The following MAPKAPK3 variants were observed in gnomAD, a reference collection of about 807,000 sequenced individuals.
MAPKAPK3 encodes MAP kinase-activated protein kinase 3.
MAPKAPK3 carries 35 observed loss-of-function variants against 49.2 expected under a neutral mutation model. The observed-to-expected ratio is 0.71, with a 90% confidence interval of 0.54 to 0.94. The LOEUF (loss-of-function observed/expected upper bound fraction) is 0.94, where lower values mean the gene tolerates loss of function less well. MAPKAPK3 is among the 40% of genes least tolerant of loss of function. The pLI is 0.00. For synonymous variants in MAPKAPK3, 178 were observed against 188.7 expected (o/e 0.94, Z 0.46); for missense variants, 398 against 493.1 (o/e 0.81, Z 1.83).
chr3:50,629,712 C>A (rs2032854820), intron 2 of MAPKAPK3, among the ~76,000 whole-genome samples: 1 of 152,188 alleles, frequency 6.6e-6, no homozygotes, highest in South Asian at 2.1e-4. Context: ...CTTCCCTCTT[C>A]CTTCCTGGGA....
chr3:50,635,975 G>C (rs545725835), intron 2 of MAPKAPK3, among the ~76,000 whole-genome samples: 5 of 150,532 alleles, frequency 3.3e-5, no homozygotes, highest in African/African-American at 1.2e-4. Context: ...AGCCAGGTGT[G>C]GTGGCATGCA....
At chr3:50,646,576 T>C (rs901525458) in intron 8 of MAPKAPK3, among the ~76,000 whole-genome samples, 164 bp from the exon 9 acceptor site, 1 of 152,222 alleles carries the variant, frequency 6.6e-6, no homozygotes, top group African/African-American at 2.4e-5. Flanking sequence ...CCTGAACACT[T>C]AGTGTTTCAA....
rs778722098 is a variant in MAPKAPK3, at chr3:50,617,612, C to T, written c.47C>T (p.Pro16Leu). 2 of 1,603,902 alleles carry T rather than the reference C, an allele frequency of 1.2e-6. No homozygotes were observed. Among genetic ancestry groups the T allele is most frequent in the Non-Finnish European group, 1.7e-6 (2 of 1,172,660 alleles). Residue 16 changes from proline to leucine, a missense_variant, in exon 2 of 11, where the codon CCA becomes CTA. By Grantham distance (98) the Pro-to-Leu change is moderately conservative. Around this residue, in one of 5 missense-constraint regions of MAPKAPK3, gnomAD observed 123 missense variants for 117.7 expected, o/e 1.04. Coordinates refer to ENST00000621469, the MANE Select transcript of MAPKAPK3 (RefSeq NM_001243925.2). ...GAGCAGGGGGGCCCTGTGCCCCCGC[C>T]AGTTGCACCCGGCGGACCCGGCTTG... ...AEEQGGPVPP[P>L]VAPGGPGLGG...
chr3:50,614,500 A>AGTGTGTGTGTGTGTGTGTGTGTGTGT (rs3066739), upstream of MAPKAPK3, among the ~76,000 whole-genome samples: 2 of 138,946 alleles, frequency 1.4e-5, no homozygotes, highest in African/African-American at 2.8e-5. Context: ...GTAAGGACAG[A>AGTGTGTGTGTGTGTGTGTGTGTGTGT]GTGTGTGTGT....
intron 2 of MAPKAPK3, among the ~76,000 whole-genome samples, chr3:50,618,369 G>T (rs2032523989): frequency 6.6e-6 from 1 of 152,174 alleles, no homozygotes; most frequent in Non-Finnish European, 1.5e-5. Context: ...AAAGGGACAG[G>T]CCCTGGGCCA....
At chr3:50,627,530 C>T (rs1559484820) in intron 2 of MAPKAPK3, among the ~76,000 whole-genome samples, 1 of 152,198 alleles carries the variant, frequency 6.6e-6, no homozygotes, top group Non-Finnish European at 1.5e-5. Flanking sequence ...TTCCGCTGTA[C>T]TTCATGGACT....
In MAPKAPK3 at chr3:50,645,722, T is replaced by G; in HGVS notation, c.641T>G (p.Leu214Arg). ...YTPYYVAPEV[L>R]GPEKYDKSCD... ...TCTGCCCTGGCAGCCCCTGAGGTCC[T>G]GGGTCCAGAGAAGTATGACAAGTCA... Residue 214 changes from leucine (L) to arginine (R), a missense_variant, in exon 7 of 11, where the codon CTG becomes CGG. Leu to Arg is a moderately radical substitution (Grantham distance 102). Around this residue, in one of 5 missense-constraint regions of MAPKAPK3, gnomAD observed 30 missense variants for 70.5 expected, o/e 0.43. Coordinates refer to ENST00000621469, the MANE Select transcript of MAPKAPK3 (RefSeq NM_001243925.2). 1 of 1,614,110 alleles carries G rather than the reference T, an allele frequency of 6.2e-7. No homozygotes were observed. Among genetic ancestry groups the G allele is most frequent in the Admixed American group, 1.7e-5 (1 of 60,010 alleles).
intron 2 of MAPKAPK3, among the ~76,000 whole-genome samples, chr3:50,634,743 G>A (rs1055634051): frequency 1.3e-5 from 2 of 152,050 alleles, no homozygotes; most frequent in African/African-American, 2.4e-5. Context: ...CTCCCGCCTC[G>A]GTCTCCCAAA....
At chr3:50,612,949 G>A (rs993061433), upstream of MAPKAPK3, 2 of 152,194 alleles carry the variant, frequency 1.3e-5, no homozygotes, top group Admixed American at 6.5e-5. Flanking sequence ...CAGGGTAAGA[G>A]CTTGGTCCCA....
chr3:50,621,999 G>A (rs1047687070), intron 2 of MAPKAPK3, among the ~76,000 whole-genome samples: 3 of 152,178 alleles, frequency 2.0e-5, no homozygotes, highest in African/African-American at 7.2e-5. Context: ...CCTCTGCAGA[G>A]TCCTCTGGGT....
intron 6 of MAPKAPK3, 50 bp downstream of exon 6, chr3:50,644,582 T>G: frequency 1.2e-6 from 2 of 1,602,154 alleles, no homozygotes; most frequent in Non-Finnish European, 1.7e-6. Context: ...CTTATACAGC[T>G]GTATTATGGG....
At chr3:50,634,455 G>A (rs376831534) in intron 2 of MAPKAPK3, among the ~76,000 whole-genome samples, 54 of 151,862 alleles carry the variant, frequency 3.6e-4, no homozygotes, top group Admixed American at 7.9e-4. Context: ...GTGGGGGCCC[G>A]TTGGGTTGTC....
At chr3:50,625,502 A>G (rs1427327747) in intron 2 of MAPKAPK3, among the ~76,000 whole-genome samples, 1 of 152,222 alleles carries the variant, frequency 6.6e-6, no homozygotes, top group African/African-American at 2.4e-5. Flanking sequence ...GAGCAGGAAC[A>G]CGAGGCTCCC....
intron 2 of MAPKAPK3, among the ~76,000 whole-genome samples, chr3:50,639,674 G>C (rs2033128153): frequency 1.3e-5 from 2 of 152,134 alleles, no homozygotes; most frequent in African/African-American, 2.4e-5. Context: ...CAGTTTCTTT[G>C]TGGGAGATAG....
chr3:50,626,735 C>G (rs905273545), intron 2 of MAPKAPK3, among the ~76,000 whole-genome samples: 6 of 152,172 alleles, frequency 3.9e-5, no homozygotes, highest in African/African-American at 1.2e-4. Context: ...ATTATCACGC[C>G]CATGCCATGG....
At chr3:50,612,884 TTGCTCCCGTTA>T (rs1467893070), upstream of MAPKAPK3, 1 of 152,132 alleles carries the variant, frequency 6.6e-6, no homozygotes, top group Admixed American at 6.5e-5. Context: ...ACAACTGGTG[TTGCTCCCGTTA>T]TGCGGACAGA....
At chr3:50,613,177 A>G (rs1307797321), upstream of MAPKAPK3, among the ~76,000 whole-genome samples, 1 of 151,980 alleles carries the variant, frequency 6.6e-6, no homozygotes, top group East Asian at 1.9e-4. Context: ...AAAGGAGTCT[A>G]GCTCTGAGAT....
In MAPKAPK3 at chr3:50,647,145, C is replaced by T; in HGVS notation, c.938C>T (p.Thr313Ile). ...WINQSMVVPQ[T>I]PLHTARVLQE... is the part of the protein sequence containing the mutation. ...CAGCAATCGATGGTAGTGCCACAGA[C>T]CCCACTCCACACGGCCCGAGTGCTG... The change falls in exon 10 of 11, where the codon ACC becomes ATC. Residue 313 changes from threonine (T) to isoleucine (I), a missense_variant. Coordinates refer to ENST00000621469, the MANE Select transcript of MAPKAPK3 (RefSeq NM_001243925.2). The T allele has an allele frequency of 1.9e-6, 3 of 1,592,600 alleles. No individual in the cohort carries two copies. The highest frequency in any genetic ancestry group is 2.6e-6 in the Non-Finnish European group (3 of 1,169,382).
At chr3:50,639,940 C>A (rs2033137808) in intron 2 of MAPKAPK3, among the ~76,000 whole-genome samples, 1 of 152,200 alleles carries the variant, frequency 6.6e-6, no homozygotes, top group Non-Finnish European at 1.5e-5. Context: ...CAATTTCCAA[C>A]CCTAGCCTAG....
Sources: allele counts gnomAD v4.1 joint callset (sites outside exome capture counted in the v4.1 genomes callset), GRCh38; gene constraint gnomAD v4.1.1; regional missense constraint gnomAD v4.1.1; transcripts MANE v1.5; gene names NCBI Gene and HGNC (gene_info 2026-07-23, HGNC 2026-07-21).